The following MYO3B variants were observed in gnomAD, a reference collection of about 807,000 sequenced individuals.
The protein encoded by MYO3B is myosin-IIIb.
In MYO3B, 156 loss-of-function variants were observed where a neutral mutation model predicts 174.6. That is an observed-to-expected ratio of 0.89 (90% confidence interval 0.78 to 1.02). The LOEUF (loss-of-function observed/expected upper bound fraction) is 1.02, where lower values mean the gene tolerates loss of function less well. MYO3B is among the 50% of genes least tolerant of loss of function. The pLI, the probability that MYO3B is intolerant of heterozygous loss-of-function variation, is 0.00. For missense variants in MYO3B, 1,632 were observed against 1,639.4 expected, an observed-to-expected ratio of 1.00 and a Z score of 0.08; for synonymous variants, 563 against 569.1, an observed-to-expected ratio of 0.99 and a Z score of 0.15.
intron 23 of MYO3B, 60 bp from the exon 24 acceptor site, chr2:170,463,308 C>T (rs1684422859): frequency 1.4e-6 from 2 of 1,474,736 alleles, no homozygotes; most frequent in Non-Finnish European, 1.9e-6. Context: ...TTTTGGAAGA[C>T]ATGGAGCATG....
At chr2:170,537,055 G>T (rs901451774) in intron 30 of MYO3B, among the ~76,000 whole-genome samples, 1 of 151,966 alleles carries the variant, frequency 6.6e-6, no homozygotes, top group African/African-American at 2.4e-5. Context: ...CAAAAAATTA[G>T]CCGGGCGTGG....
chr2:170,220,358 C>T (rs756784997), intron 6 of MYO3B, among the ~76,000 whole-genome samples: 2 of 148,890 alleles, frequency 1.3e-5, no homozygotes, highest in South Asian at 2.1e-4. Flanking sequence ...TGACCGGGAG[C>T]GGTGGCTCAC....
Position 170,214,709 on chromosome 2 carries a change from G to C in MYO3B, c.427-20G>C, listed in dbSNP as rs2092808955. On this transcript the variant is annotated intron_variant, in intron 4 of 34. Coordinates refer to ENST00000408978, the MANE Select transcript of MYO3B (RefSeq NM_138995.5). ...CCCTTTCTCTTTCCTGTTGTTTGGTGGTGGTGGGATGCCATGCAGGGCCTT... is the reference window on the plus strand; with the variant it reads ...CCCTTTCTCTTTCCTGTTGTTTGGTCGTGGTGGGATGCCATGCAGGGCCTT... 1 of 1,600,282 alleles carries C rather than the reference G, an allele frequency of 6.2e-7. No individual in the cohort carries two copies. Among genetic ancestry groups the C allele is most frequent in the East Asian group, 2.2e-5 (1 of 44,816 alleles).
intron 7 of MYO3B, among the ~76,000 whole-genome samples, chr2:170,285,645 G>A (rs1234092494): frequency 2.0e-5 from 3 of 152,138 alleles, no homozygotes; most frequent in Non-Finnish European, 4.4e-5. Context: ...GATTACAGGC[G>A]TGAGCCACCG....
chr2:170,475,838 G>C (rs1685284857), intron 25 of MYO3B, among the ~76,000 whole-genome samples: 1 of 152,172 alleles, frequency 6.6e-6, no homozygotes, highest in Non-Finnish European at 1.5e-5. Flanking sequence ...ACATTAACTT[G>C]CCATGTTAAC....
intron 32 of MYO3B, among the ~76,000 whole-genome samples, chr2:170,545,796 C>G (rs1690444601): frequency 6.6e-6 from 1 of 152,170 alleles, no homozygotes; most frequent in Non-Finnish European, 1.5e-5. Context: ...CCCTTACACT[C>G]TTATAAACAG....
intron 7 of MYO3B, among the ~76,000 whole-genome samples, chr2:170,296,375 T>C (rs959479175): frequency 3.9e-5 from 6 of 152,202 alleles, no homozygotes; most frequent in African/African-American, 1.4e-4. Context: ...CGTATAACCA[T>C]TGGTGGTTAG....
At chr2:170,234,160 G>C (rs1164538711) in intron 6 of MYO3B, among the ~76,000 whole-genome samples, 2 of 110,784 alleles carry the variant, frequency 1.8e-5, no homozygotes, top group Non-Finnish European at 3.6e-5. Context: ...GACAGAGTGA[G>C]ACTCCGTCTC....
chr2:170,436,754 G>A (rs2094757412), intron 22 of MYO3B, among the ~76,000 whole-genome samples: 1 of 152,314 alleles, frequency 6.6e-6, no homozygotes, highest in South Asian at 2.1e-4. Flanking sequence ...GGTGTGTGGG[G>A]TAGTGAACAG....
chr2:170,324,547 C>A (rs951204242), intron 7 of MYO3B, among the ~76,000 whole-genome samples: 2 of 152,192 alleles, frequency 1.3e-5, no homozygotes, highest in Non-Finnish European at 2.9e-5. Flanking sequence ...CTATTGCAAG[C>A]CCCAAATTGA....
intron 32 of MYO3B, among the ~76,000 whole-genome samples, chr2:170,632,392 G>A (rs918552456): frequency 6.6e-6 from 1 of 152,104 alleles, no homozygotes; most frequent in African/African-American, 2.4e-5. Flanking sequence ...GGTACATAAC[G>A]AAATGAAGGC....
chr2:170,320,004 C>T (rs545555049), intron 7 of MYO3B, among the ~76,000 whole-genome samples: 7 of 152,200 alleles, frequency 4.6e-5, no homozygotes, highest in East Asian at 3.9e-4. Context: ...CTAGCCAACC[C>T]GCCTTACAAG....
intron 22 of MYO3B, among the ~76,000 whole-genome samples, chr2:170,430,142 TA>T (rs1253390767): frequency 6.6e-6 from 1 of 152,092 alleles, no homozygotes; most frequent in Non-Finnish European, 1.5e-5. Flanking sequence ...TTTGGTATAC[TA>T]GGGGGTACTA....
intron 30 of MYO3B, among the ~76,000 whole-genome samples, chr2:170,531,143 A>G (rs1689325864): frequency 6.6e-6 from 1 of 152,222 alleles, no homozygotes. Flanking sequence ...ACAGGATTTC[A>G]GGCAGGTAGG....
chr2:170,615,764 G>T (rs2105309913), intron 32 of MYO3B, among the ~76,000 whole-genome samples: 1 of 152,294 alleles, frequency 6.6e-6, no homozygotes, highest in Non-Finnish European at 1.5e-5. Context: ...GATAGTGAAA[G>T]CTGGGTCCAG....
At chr2:170,473,716 A>G (rs1349631901) in intron 25 of MYO3B, among the ~76,000 whole-genome samples, 2 of 152,064 alleles carry the variant, frequency 1.3e-5, no homozygotes, top group Non-Finnish European at 2.9e-5. Context: ...TTGAAAGGCT[A>G]ACTTTAAACA....
intron 1 of MYO3B, among the ~76,000 whole-genome samples, chr2:170,186,306 GT>G (rs34887598): frequency 2.0e-5 from 3 of 151,778 alleles, no homozygotes; most frequent in East Asian, 1.9e-4. Flanking sequence ...TCTATACCCA[GT>G]TTTTTTTAGG....
At chr2:170,203,474 T>C (rs919873838) in intron 3 of MYO3B, among the ~76,000 whole-genome samples, 5 of 110,380 alleles carry the variant, frequency 4.5e-5, no homozygotes, top group African/African-American at 1.8e-4. Context: ...ATCTAATATG[T>C]AGAGCCAAAG....
At chr2:170,233,229 C>T (rs1386286881) in intron 6 of MYO3B, among the ~76,000 whole-genome samples, 1 of 152,148 alleles carries the variant, frequency 6.6e-6, no homozygotes, top group East Asian at 1.9e-4. Context: ...CGTGTTAGTA[C>T]ACATTGTCTT....
Sources: gnomAD v4.1 joint callset for allele counts (sites outside exome capture counted in the v4.1 genomes callset) on GRCh38, gnomAD v4.1.1 for gene constraint, MANE v1.5 for transcripts, NCBI Gene and HGNC (gene_info 2026-07-23, HGNC 2026-07-21) for gene names.